Variants in PARD3B observed in about 807,000 individuals in gnomAD.
PARD3B encodes the protein partitioning defective 3 homolog B.
In PARD3B, 103 loss-of-function variants were observed where a neutral mutation model predicts 130.2. The ratio of observed to expected loss-of-function variants is 0.79; its 90% CI spans 0.67 to 0.93. The LOEUF (loss-of-function observed/expected upper bound fraction) is 0.93, where lower values mean the gene tolerates loss of function less well. Ranked by LOEUF, PARD3B falls within the 40% of genes least tolerant of loss-of-function variation. The probability of loss-of-function intolerance (pLI) is 0.00; values close to 1 mark genes in which losing one functional copy is unlikely to be tolerated. For missense variants in PARD3B, 1,609 were observed against 1,499.2 expected, an observed-to-expected ratio of 1.07 and a Z score of -1.21; for synonymous variants, 583 against 553.2, an observed-to-expected ratio of 1.05 and a Z score of -0.76.
intron 20 of PARD3B, among the ~76,000 whole-genome samples, chr2:205,499,468 A>G (rs1266172947): frequency 2.0e-5 from 3 of 152,178 alleles, no homozygotes; most frequent in Non-Finnish European, 2.9e-5. Flanking sequence ...GAATGCTAAC[A>G]TATTCCAGCC....
chr2:204,876,734 A>G (rs1217352280), intron 2 of PARD3B, among the ~76,000 whole-genome samples: 2 of 152,044 alleles, frequency 1.3e-5, no homozygotes, highest in Non-Finnish European at 2.9e-5. Flanking sequence ...TTGGGTTTTA[A>G]GTTGTATTAA....
chr2:205,459,794 C>T (rs2048389394), intron 20 of PARD3B, among the ~76,000 whole-genome samples: 3 of 152,292 alleles, frequency 2.0e-5, no homozygotes, highest in East Asian at 1.9e-4. Context: ...TTCCTTCTCT[C>T]GTGGCTCATG....
At chr2:205,374,494 A>G (rs562581851) in intron 18 of PARD3B, among the ~76,000 whole-genome samples, 35 of 152,232 alleles carry the variant, frequency 2.3e-4, no homozygotes, top group African/African-American at 7.5e-4. Flanking sequence ...CAGCCTCCCA[A>G]AGTGCTGGGA....
chr2:204,953,194 A>C (rs1689938313), intron 2 of PARD3B, among the ~76,000 whole-genome samples: 1 of 152,032 alleles, frequency 6.6e-6, no homozygotes. Context: ...CTATGCAGAG[A>C]CAACCTACAC....
intron 16 of PARD3B, among the ~76,000 whole-genome samples, chr2:205,252,806 T>C (rs974997533): frequency 4.7e-5 from 6 of 129,030 alleles, no homozygotes; most frequent in Non-Finnish European, 7.8e-5. Context: ...ATTCTAGTAA[T>C]ATCAATCTTT....
chr2:205,300,487 G>C lies in PARD3B; in HGVS notation c.2186-43G>C, dbSNP rs753076963. ...TAGAACAATAGCATTACACCACACT[G>C]CCCCATTAGAAGAGGGGTGACCTTT... On this transcript the variant is annotated intron_variant, in intron 16 of 22. Coordinates refer to ENST00000406610, the MANE Select transcript of PARD3B (RefSeq NM_001302769.2). This position sits in a 1 kb window ranked among gnomAD's most constrained non-coding sequence, Gnocchi z 4.1. 3.4e-6 allele frequency: 5 copies of C among 1,485,600 alleles called. 1 individual carries two copies. In the South Asian group the frequency reaches 4.5e-5, roughly 13 times the overall value. 92.0% of individuals were successfully genotyped at this position (1,485,600 alleles called of 1,614,324 possible). A position where few individuals can be genotyped will look rare whatever the true frequency, so the allele number is the denominator to read the frequency against.
At chr2:205,326,254 A>G (rs1473314832) in intron 18 of PARD3B, among the ~76,000 whole-genome samples, 1 of 152,254 alleles carries the variant, frequency 6.6e-6, no homozygotes. Flanking sequence ...AGCAGGAAGC[A>G]GTGACACCAA....
intron 2 of PARD3B, 58 bp downstream of exon 2, chr2:204,686,340 A>G: frequency 8.0e-7 from 1 of 1,249,708 alleles, no homozygotes; most frequent in Non-Finnish European, 1.2e-6. Context: ...CATGTTTTCA[A>G]GAGACTGAAA....
At chr2:205,419,271 C>T (rs1327311911) in intron 19 of PARD3B, among the ~76,000 whole-genome samples, 1 of 152,130 alleles carries the variant, frequency 6.6e-6, no homozygotes, top group Non-Finnish European at 1.5e-5. Flanking sequence ...GTTCCCTGCA[C>T]AAGTTCTCTC....
chr2:204,952,717 G>A (rs1230146910), intron 2 of PARD3B, among the ~76,000 whole-genome samples: 1 of 152,058 alleles, frequency 6.6e-6, no homozygotes, highest in Non-Finnish European at 1.5e-5. Flanking sequence ...TCAATATCAC[G>A]GTCAGGCGCG....
At chr2:205,045,234 C>A (rs1324118292) in intron 3 of PARD3B, among the ~76,000 whole-genome samples, 1 of 149,554 alleles carries the variant, frequency 6.7e-6, no homozygotes, top group Non-Finnish European at 1.5e-5. Context: ...GAATACTTAT[C>A]ATTATTATTA....
intron 1 of PARD3B, among the ~76,000 whole-genome samples, chr2:204,549,976 A>G (rs2030324874): frequency 6.6e-6 from 1 of 152,070 alleles, no homozygotes; most frequent in Non-Finnish European, 1.5e-5. Flanking sequence ...GTATTTATTG[A>G]CCTTTTAGTG....
chr2:204,979,854 T>G (rs982361093), intron 3 of PARD3B, among the ~76,000 whole-genome samples: 1 of 152,162 alleles, frequency 6.6e-6, no homozygotes, highest in Non-Finnish European at 1.5e-5. Context: ...ATTATAGATC[T>G]AAAGGTAAAT....
In PARD3B at chr2:205,300,763, C is replaced by T; in HGVS notation, c.2392+27C>T. 1.9e-6 allele frequency: 3 copies of T among 1,585,898 alleles called. No individual in the cohort carries two copies. The South Asian group carries it at 3.3e-5, about 18-fold the overall frequency. On this transcript the variant is annotated intron_variant, in intron 17 of 22. Coordinates refer to ENST00000406610, the MANE Select transcript of PARD3B (RefSeq NM_001302769.2). This position sits in a 1 kb window ranked among gnomAD's most constrained non-coding sequence, Gnocchi z 4.1. The stretch of plus-strand genomic sequence containing the variant: ...TAGGATGATATGCTTCCTTAAATGG[C>T]TTCTTCATCTCATTATTATCTGCAA...
At chr2:205,071,384 A>G (rs1700721464) in intron 4 of PARD3B, among the ~76,000 whole-genome samples, 1 of 152,222 alleles carries the variant, frequency 6.6e-6, no homozygotes, top group Non-Finnish European at 1.5e-5. Context: ...CTAGGTGTGC[A>G]TCTTGTTCCT....
At chr2:205,032,084 A>G (rs1697467215) in intron 3 of PARD3B, among the ~76,000 whole-genome samples, 1 of 152,156 alleles carries the variant, frequency 6.6e-6, no homozygotes, top group South Asian at 2.1e-4. Flanking sequence ...CTCTTTTTGA[A>G]GAATCATAGA....
intron 21 of PARD3B, among the ~76,000 whole-genome samples, chr2:205,522,473 G>GCATAATATATGGTAA (rs2051118449): frequency 6.6e-6 from 1 of 151,754 alleles, no homozygotes; most frequent in Non-Finnish European, 1.5e-5. Flanking sequence ...TTAAAAGTTG[G>GCATAATATATGGTAA]CATAATATAT....
chr2:205,176,364 G>A lies in PARD3B; in HGVS notation c.1792-81G>A, dbSNP rs565801433. On this transcript the variant is annotated intron_variant, in intron 12 of 22. Transcript: ENST00000406610. The surrounding 1 kb of genome is among the most constrained non-coding windows in gnomAD (Gnocchi z 5.3). ...ACTCTTGAAAGACTATTCATACAGC[G>A]ATCATTCTTTCACTTTGCTTCAACT... The A allele has an allele frequency of 6.7e-6, 9 of 1,351,568 alleles. No homozygotes were observed. The highest frequency in any genetic ancestry group is 1.5e-5 in the South Asian group (1 of 68,660). The allele number at this position is 1,351,568 out of a possible 1,614,324, so 83.7% of individuals were successfully genotyped here.
intron 20 of PARD3B, among the ~76,000 whole-genome samples, chr2:205,466,730 G>GA (rs1350525380): frequency 6.6e-6 from 1 of 152,100 alleles, no homozygotes; most frequent in Non-Finnish European, 1.5e-5. Flanking sequence ...TTTTGTTTTT[G>GA]AGACGAAGTC....
Sources: gnomAD v4.1 joint callset for allele counts (sites outside exome capture counted in the v4.1 genomes callset) on GRCh38, gnomAD v4.1.1 for gene constraint, Gnocchi (gnomAD v3.1) non-coding constraint, MANE v1.5 for transcripts, NCBI Gene and HGNC (gene_info 2026-07-23, HGNC 2026-07-21) for gene names.